PROX1: variants seen among roughly 807,000 people sequenced by gnomAD.
PROX1 encodes prospero homeobox 1, also known as prospero homeobox protein 1.
In PROX1, 7 loss-of-function variants were observed where a neutral mutation model predicts 58.8. The ratio of observed to expected loss-of-function variants is 0.12; its 90% CI spans 0.07 to 0.22. The LOEUF (loss-of-function observed/expected upper bound fraction) is 0.22. Ranked by LOEUF, PROX1 falls within the 10% of genes least tolerant of loss-of-function variation. The pLI, the probability that PROX1 is intolerant of heterozygous loss-of-function variation, is 1.00. For synonymous variants in PROX1, 350 were observed against 358.3 expected (o/e 0.98, Z 0.26); for missense variants, 675 against 927.8 (o/e 0.73, Z 3.54).
intron 4 of PROX1, among the ~76,000 whole-genome samples, chr1:214,013,506 G>T (rs1350185533): frequency 1.3e-5 from 2 of 152,178 alleles, no homozygotes; most frequent in African/African-American, 4.8e-5. Context: ...AGATTCATGA[G>T]ATGACTTCTG....
chr1:213,990,741 G>A (rs1451358691), intron 1 of PROX1, among the ~76,000 whole-genome samples: 2 of 151,326 alleles, frequency 1.3e-5, no homozygotes, highest in Non-Finnish European at 2.9e-5. Context: ...GCAATGAGTG[G>A]TGTGTAACTG....
chr1:213,993,486 G>T (rs1663110860), intron 1 of PROX1, among the ~76,000 whole-genome samples: 1 of 152,128 alleles, frequency 6.6e-6, no homozygotes, highest in Non-Finnish European at 1.5e-5. Flanking sequence ...TATCATGGAA[G>T]CACTTGGGAA....
intron 2 of PROX1, among the ~76,000 whole-genome samples, chr1:214,000,861 T>A (rs1013247499): frequency 2.0e-5 from 3 of 152,134 alleles, no homozygotes; most frequent in Non-Finnish European, 2.9e-5. Flanking sequence ...ATTCTCAAGC[T>A]TTTACTTTGA....
At position 213,996,790 on chromosome 1, in the gene PROX1, G is replaced by A; in HGVS notation, c.255G>A (p.Met85Ile). 3.7e-6 allele frequency: 6 copies of A among 1,614,178 alleles called. No homozygotes were observed. The highest frequency in any genetic ancestry group is 4.2e-6 in the Non-Finnish European group (5 of 1,180,036). Reference protein sequence around the residue: ...KRANSYEDAMMPFPGATIISQ... With the variant: ...KRANSYEDAMIPFPGATIISQ... ...CGAACTCGTATGAAGATGCCATGAT[G>A]CCTTTTCCAGGAGCAACCATAATTT... The change falls in exon 2 of 5, where the codon ATG becomes ATA. Residue 85 changes from methionine (M) to isoleucine (I), a missense_variant. By Grantham distance (10) the Met-to-Ile change is conservative. Around this residue, in one of 8 missense-constraint regions of PROX1, gnomAD observed 157 missense variants for 197.8 expected, o/e 0.79. Coordinates refer to ENST00000366958, the MANE Select transcript of PROX1 (RefSeq NM_001270616.2).
chr1:214,005,752 G>C (rs1663686570), intron 3 of PROX1, among the ~76,000 whole-genome samples: 1 of 152,186 alleles, frequency 6.6e-6, no homozygotes, highest in Non-Finnish European at 1.5e-5. Context: ...AAAAACAAAA[G>C]TGATGATTGT....
chr1:214,035,656 A>G lies in PROX1; in HGVS notation c.2036A>G (p.Glu679Gly). The change falls in exon 5 of 5, where the codon GAG (glutamate) becomes GGG (glycine). Residue 679 changes from glutamate to glycine, a missense_variant. Physicochemically the swap from Glu to Gly is moderately conservative, Grantham distance 98. This residue lies in a region of PROX1 where 50 missense variants were observed against 79.3 expected (regional missense o/e 0.63). Coordinates refer to ENST00000366958, the MANE Select transcript of PROX1 (RefSeq NM_001270616.2). ...GTCTCCTTGTATCAGCAGGTTCCAG[A>G]GAGATTCCTGGAAGTTGCTCAGATC... ...YNKANDFEVP[E>G]RFLEVAQITL... 1 of 1,611,490 alleles carries G rather than the reference A, an allele frequency of 6.2e-7. No homozygotes were observed. Among genetic ancestry groups the G allele is most frequent in the Non-Finnish European group, 8.5e-7 (1 of 1,178,618 alleles).
At chr1:214,026,707 T>C (rs1486947509) in intron 4 of PROX1, among the ~76,000 whole-genome samples, 1 of 152,194 alleles carries the variant, frequency 6.6e-6, no homozygotes, top group Non-Finnish European at 1.5e-5. Context: ...AAGACTCAAA[T>C]TCAGGTAGAA....
At position 213,997,633 on chromosome 1, in the gene PROX1, T is replaced by C; in HGVS notation, c.1098T>C (p.Thr366=). The C allele has an allele frequency of 6.2e-7, 1 of 1,614,162 alleles. No individual in the cohort carries two copies. The highest frequency in any genetic ancestry group is 1.3e-5 in the African/African-American group (1 of 75,046). The change falls in exon 2 of 5, where the codon ACT becomes ACC. Residue 366 remains threonine, a synonymous_variant. Transcript: ENST00000366958. This position sits in a 1 kb window ranked among gnomAD's most constrained non-coding sequence, Gnocchi z 7.1. Reference sequence around the variant, plus strand: ...CTGCCATGTCGCAAGTTGTGGACACTGTGGTCAAAGTCTTTTCGGCCAAGC... The same window carrying C: ...CTGCCATGTCGCAAGTTGTGGACACCGTGGTCAAAGTCTTTTCGGCCAAGC... The part of the protein sequence containing the change: ...LNTAMSQVVD[T]VVKVFSAKPS...
At chr1:213,998,320 G>C in intron 2 of PROX1, 60 bp downstream of exon 2, 36 of 1,498,952 alleles carry the variant, frequency 2.4e-5, no homozygotes, top group Non-Finnish European at 3.0e-5. Flanking sequence ...CCAAAAGGTT[G>C]GGTTTACACA....
chr1:214,031,066 T>TGTGTGTGTGTGTGTGCGC (rs1231686198), intron 4 of PROX1, among the ~76,000 whole-genome samples: 4 of 95,070 alleles, frequency 4.2e-5, no homozygotes, highest in Admixed American at 1.1e-4. Context: ...TGTGTGTGTG[T>TGTGTGTGTGTGTGTGCGC]GCGCGCGCGC....
chr1:213,987,646 C>G (rs1156974172), upstream of PROX1: 3 of 145,540 alleles, frequency 2.1e-5, no homozygotes, highest in African/African-American at 7.5e-5. Flanking sequence ...GCATAGTGCC[C>G]GCAGATGGCT....
At chr1:214,034,024 G>A (rs954043086) in intron 4 of PROX1, among the ~76,000 whole-genome samples, 8 of 152,154 alleles carry the variant, frequency 5.3e-5, no homozygotes, top group Non-Finnish European at 1.2e-4. Flanking sequence ...CCTAAGAAAT[G>A]GGCCAGTGTG....
chr1:213,991,430 A>G (rs1216458286), intron 1 of PROX1, among the ~76,000 whole-genome samples: 1 of 152,194 alleles, frequency 6.6e-6, no homozygotes, highest in Non-Finnish European at 1.5e-5. Flanking sequence ...TCCCAAACAC[A>G]CACACACACA....
At chr1:214,022,414 CA>C (rs1265637361) in intron 4 of PROX1, among the ~76,000 whole-genome samples, 1 of 152,166 alleles carries the variant, frequency 6.6e-6, no homozygotes, top group African/African-American at 2.4e-5. Context: ...ATCTGTGGTC[CA>C]ATTATTGCAC....
rs1199691770 is a variant in PROX1 at position 213,997,953 on chromosome 1, CGGG to C, written c.1419_1421del (p.Gly474del). On this transcript the variant is annotated inframe_deletion, in exon 2 of 5. Coordinates refer to ENST00000366958, the MANE Select transcript of PROX1 (RefSeq NM_001270616.2). The surrounding 1 kb of genome is among the most constrained non-coding windows in gnomAD (Gnocchi z 7.1). ...CACCAGTCGCCTCTCTCTGCCACCACGGGCTTCACCACGTCCACCTTCCGCCAC... is the reference window on the plus strand; with the variant it reads ...CACCAGTCGCCTCTCTCTGCCACCACCTTCACCACGTCCACCTTCCGCCAC... 1.2e-5 allele frequency: 19 copies of C among 1,613,874 alleles called. No homozygotes were observed. The highest frequency in any genetic ancestry group is 1.6e-5 in the Non-Finnish European group (19 of 1,179,942).
chr1:214,018,498 A>C (rs767950725), intron 4 of PROX1, among the ~76,000 whole-genome samples: 6 of 152,204 alleles, frequency 3.9e-5, no homozygotes, highest in Non-Finnish European at 7.3e-5. Context: ...GCTGAGATAC[A>C]AAATAAAGAT....
At chr1:213,999,463 G>A (rs1372271914) in intron 2 of PROX1, among the ~76,000 whole-genome samples, 3 of 152,206 alleles carry the variant, frequency 2.0e-5, no homozygotes, top group Admixed American at 6.5e-5. Context: ...TGCCACGTAA[G>A]TGCAAAGTCC....
chr1:214,000,087 A>G (rs1315268521), intron 2 of PROX1, among the ~76,000 whole-genome samples: 1 of 152,024 alleles, frequency 6.6e-6, no homozygotes, highest in Admixed American at 6.6e-5. Context: ...CACAGAGTAA[A>G]GTGACATGCG....
intron 4 of PROX1, among the ~76,000 whole-genome samples, chr1:214,014,184 C>T: frequency 6.6e-6 from 1 of 152,188 alleles, no homozygotes; most frequent in East Asian, 1.9e-4. Context: ...CTAGTGTGGG[C>T]CGTGGCTGAG....
Sources: allele counts gnomAD v4.1 joint callset (sites outside exome capture counted in the v4.1 genomes callset), GRCh38; gene constraint gnomAD v4.1.1; regional missense constraint gnomAD v4.1.1; non-coding constraint Gnocchi (gnomAD v3.1); transcripts MANE v1.5; gene names NCBI Gene and HGNC (gene_info 2026-07-23, HGNC 2026-07-21).